UNC13B: variants seen among roughly 807,000 people sequenced by gnomAD.
UNC13B encodes protein unc-13 homolog B.
In UNC13B, 144 loss-of-function variants were observed where a neutral mutation model predicts 211.0. The observed-to-expected ratio is 0.68, with a 90% CI of 0.60 to 0.78. The LOEUF is 0.78. Among genes scored for constraint, UNC13B ranks in the 30% least tolerant of loss-of-function variants. The probability of loss-of-function intolerance (pLI) is 0.00; values close to 1 mark genes in which losing one functional copy is unlikely to be tolerated. For missense variants in UNC13B, 1,777 were observed against 2,002.0 expected, an observed-to-expected ratio of 0.89 and a Z score of 2.14; for synonymous variants, 709 against 725.8, an observed-to-expected ratio of 0.98 and a Z score of 0.37.
intron 7 of UNC13B, among the ~76,000 whole-genome samples, chr9:35,265,407 AC>A (rs942318500): frequency 6.6e-6 from 1 of 152,146 alleles, no homozygotes; most frequent in Non-Finnish European, 1.5e-5. Flanking sequence ...CAGAAACCAA[AC>A]CTTATGGGAA....
At position 35,183,270 on chromosome 9, in the gene UNC13B, C is replaced by T. The variant is rs576591630; in HGVS notation, c.22+20965C>T. 9.5e-4 allele frequency among the ~76,000 whole-genome samples: 127 copies of T among 134,336 alleles called. 7 individuals carry two copies. The highest frequency in any genetic ancestry group is 3.5e-3 in the African/African-American group (123 of 35,034). 88.1% of individuals were successfully genotyped at this position (134,336 alleles called of 152,430 possible). A position where few individuals can be genotyped will look rare whatever the true frequency, so the allele number is the denominator to read the frequency against. ...GCGGCCGGGCAGAGGAGCCCCTCAC[C>T]TCCCAGGCGGGGTGGCCGGGCAGAG... On this transcript the variant is annotated intron_variant, in intron 1 of 39. Transcript: ENST00000635942.
At chr9:35,179,244 C>T (rs140875897) in intron 1 of UNC13B, among the ~76,000 whole-genome samples, 1 of 152,256 alleles carries the variant, frequency 6.6e-6, no homozygotes, top group African/African-American at 2.4e-5. Flanking sequence ...ATCAGAGTCT[C>T]ACTATAGCTG....
intron 11 of UNC13B, among the ~76,000 whole-genome samples, chr9:35,317,518 CTTTTTTTTTTTT>C (rs748345363): frequency 3.1e-5 from 3 of 97,666 alleles, no homozygotes; most frequent in Non-Finnish European, 5.8e-5. Flanking sequence ...GCTAAAGAAG[CTTTTTTTTTTTT>C]TTTTTTTTTT....
intron 11 of UNC13B, among the ~76,000 whole-genome samples, chr9:35,364,106 CTT>C (rs1402776219): frequency 1.3e-5 from 2 of 152,178 alleles, no homozygotes; most frequent in African/African-American, 4.8e-5. Context: ...AGTTTGAGGA[CTT>C]ATACCAGATC....
Position 35,189,922 on chromosome 9 carries a change from C to T in UNC13B, c.22+27617C>T, listed in dbSNP as rs191177433. Among the ~76,000 whole-genome samples, 425 of 152,236 alleles carry T rather than the reference C, an allele frequency of 2.8e-3. 1 individual carries two copies. Among genetic ancestry groups the T allele is most frequent in the Middle Eastern group, 6.8e-3 (2 of 294 alleles). ...CCAACCTCAGGTGATCCGCCCACCT[C>T]GGCCTCCCAAAGTGCTGAGATTACA... is the stretch of plus-strand genomic sequence containing the variant. On this transcript the variant is annotated intron_variant, in intron 1 of 39. Transcript: ENST00000635942.
chr9:35,295,623 A>T, intron 7 of UNC13B, 73 bp from the exon 8 acceptor site: 1 of 1,451,770 alleles, frequency 6.9e-7, no homozygotes, highest in Non-Finnish European at 9.6e-7. Context: ...GTTACTACTA[A>T]GTTAGAAGCA....
intron 11 of UNC13B, among the ~76,000 whole-genome samples, chr9:35,321,727 T>G (rs76807069): frequency 0.074 from 11,255 of 152,218 alleles, 604 homozygotes; most frequent in East Asian, 0.29. Context: ...TCTTGAACTC[T>G]TAGCCTCAGG....
chr9:35,396,400 T>G, intron 26 of UNC13B, 76 bp from the exon 27 acceptor site: 2 of 1,589,448 alleles, frequency 1.3e-6, no homozygotes, highest in Non-Finnish European at 1.7e-6. Flanking sequence ...CCTGACCAGA[T>G]CTGCTGCCTT....
At chr9:35,287,216 A>G (rs1828848925) in intron 7 of UNC13B, among the ~76,000 whole-genome samples, 1 of 151,400 alleles carries the variant, frequency 6.6e-6, no homozygotes, top group Admixed American at 6.6e-5. Flanking sequence ...CACTGCAACA[A>G]CCAGCTCCTG....
intron 11 of UNC13B, among the ~76,000 whole-genome samples, chr9:35,315,607 C>T (rs1004711632): frequency 6.6e-6 from 1 of 152,124 alleles, no homozygotes; most frequent in African/African-American, 2.4e-5. Flanking sequence ...TTCTGTATAA[C>T]CATGATATAA....
At chr9:35,402,091 G>A (rs1836342112) in intron 37 of UNC13B, 5 of 1,333,152 alleles carry the variant, frequency 3.8e-6, no homozygotes, top group Non-Finnish European at 5.2e-6. Flanking sequence ...CGTGCTGGGG[G>A]TGGGGGAACA....
chr9:35,339,515 GC>G (rs1339256230), intron 11 of UNC13B, among the ~76,000 whole-genome samples: 1 of 152,204 alleles, frequency 6.6e-6, no homozygotes, highest in East Asian at 1.9e-4. Flanking sequence ...GGCAGAAGGG[GC>G]CATGCTCTTT....
chr9:35,239,876 C>A (rs1027477789), intron 5 of UNC13B, among the ~76,000 whole-genome samples: 3 of 152,174 alleles, frequency 2.0e-5, no homozygotes, highest in Non-Finnish European at 4.4e-5. Context: ...TCTCTTTTTC[C>A]CTGAACATCG....
chr9:35,379,855 A>C (rs1834700390), intron 17 of UNC13B, among the ~76,000 whole-genome samples: 1 of 152,218 alleles, frequency 6.6e-6, no homozygotes, highest in African/African-American at 2.4e-5. Context: ...TGGGTGAAAC[A>C]ACAGATCCCA....
intron 11 of UNC13B, chr9:35,342,055 T>G: frequency 1.0e-6 from 1 of 985,478 alleles, no homozygotes; most frequent in Non-Finnish European, 1.2e-6. Flanking sequence ...TGCCAAGCCC[T>G]TCACTGAGGG....
At chr9:35,385,939 T>G in intron 23 of UNC13B, 126 bp downstream of exon 23, 3 of 1,412,834 alleles carry the variant, frequency 2.1e-6, no homozygotes, top group Non-Finnish European at 1.9e-6. Flanking sequence ...TACATTTCTG[T>G]GTACCTGTTC....
At position 35,176,334 on chromosome 9, in the gene UNC13B, G is replaced by C. The variant is rs1006366833; in HGVS notation, c.22+14029G>C. Reference sequence around the variant, plus strand: ...AGGCTGAGGCGGGTAGATCACTTGAGATCAGGAGTTTGAGACCAGCCTGGC... The same window carrying C: ...AGGCTGAGGCGGGTAGATCACTTGACATCAGGAGTTTGAGACCAGCCTGGC... On this transcript the variant is annotated intron_variant, in intron 1 of 39. Coordinates refer to ENST00000635942, the MANE Select transcript of UNC13B (RefSeq NM_001371189.2). 2.6e-5 allele frequency among the ~76,000 whole-genome samples: 4 copies of C among 151,942 alleles called. No individual in the cohort carries two copies. The East Asian group carries it at 7.7e-4, about 29-fold the overall frequency.
intron 11 of UNC13B, among the ~76,000 whole-genome samples, chr9:35,364,832 T>G (rs1833673578): frequency 6.6e-6 from 1 of 152,224 alleles, no homozygotes; most frequent in Non-Finnish European, 1.5e-5. Context: ...GCATTCAATG[T>G]AGCATGTGTG....
At position 35,228,484 on chromosome 9, in the gene UNC13B, C is replaced by T. The variant is rs181608487; in HGVS notation, c.52+440C>T. ...TATTTCTCCTAATGCTATCCCTCCC[C>T]CCGTCCCCCACCCCACGACAGGCCC... On this transcript the variant is annotated intron_variant, in intron 2 of 39. Coordinates refer to ENST00000635942, the MANE Select transcript of UNC13B (RefSeq NM_001371189.2). 4.0e-3 allele frequency among the ~76,000 whole-genome samples: 610 copies of T among 152,042 alleles called. 2 individuals are homozygous for T. Among genetic ancestry groups the T allele is most frequent in the Non-Finnish European group, 7.0e-3 (473 of 67,996 alleles).
Sources: gnomAD v4.1 joint callset for allele counts (sites outside exome capture counted in the v4.1 genomes callset) on GRCh38, gnomAD v4.1.1 for gene constraint, MANE v1.5 for transcripts, NCBI Gene and HGNC (gene_info 2026-07-23, HGNC 2026-07-21) for gene names.